The following ROR1 variants were observed in gnomAD, a reference collection of about 807,000 sequenced individuals.
ROR1 encodes the protein ROR family WNT receptor 1.
In ROR1, 19 loss-of-function variants were observed where a neutral mutation model predicts 78.8. That is an observed-to-expected ratio of 0.24 (90% CI 0.17 to 0.35). The LOEUF (loss-of-function observed/expected upper bound fraction) is 0.35, where lower values mean the gene tolerates loss of function less well. Among genes scored for constraint, ROR1 ranks in the 10% least tolerant of loss-of-function variants. ROR1 has a pLI of 1.00. For missense variants in ROR1, 917 were observed against 1,177.8 expected, an observed-to-expected ratio of 0.78 and a Z score of 3.24; for synonymous variants, 386 against 433.6, an observed-to-expected ratio of 0.89 and a Z score of 1.36.
chr1:64,091,182 T>C (rs1236473359), intron 4 of ROR1, among the ~76,000 whole-genome samples: 1 of 151,914 alleles, frequency 6.6e-6, no homozygotes, highest in East Asian at 1.9e-4. Flanking sequence ...ATGCTTTTTT[T>C]AAAAAAAATA....
intron 1 of ROR1, among the ~76,000 whole-genome samples, chr1:63,929,152 C>T (rs1338466704): frequency 6.6e-6 from 1 of 152,164 alleles, no homozygotes; most frequent in African/African-American, 2.4e-5. Flanking sequence ...TCTCTTTCTT[C>T]CCTTTTCTTG....
intron 7 of ROR1, among the ~76,000 whole-genome samples, chr1:64,143,605 G>A (rs907625854): frequency 6.6e-6 from 1 of 152,160 alleles, no homozygotes; most frequent in African/African-American, 2.4e-5. Context: ...TTAACCAGAT[G>A]ATTATTCAAG....
At chr1:63,944,159 G>T (rs1302413606) in intron 1 of ROR1, among the ~76,000 whole-genome samples, 1 of 152,156 alleles carries the variant, frequency 6.6e-6, no homozygotes. Flanking sequence ...AAACTTGCTG[G>T]AATGTGAGTC....
chr1:63,917,435 T>C (rs1048483744), intron 1 of ROR1, among the ~76,000 whole-genome samples: 4 of 152,216 alleles, frequency 2.6e-5, no homozygotes, highest in Admixed American at 2.6e-4. Flanking sequence ...AAATTTTTTT[T>C]CTATTCTATA....
intron 4 of ROR1, among the ~76,000 whole-genome samples, chr1:64,129,912 C>G (rs957536748): frequency 6.6e-6 from 1 of 152,154 alleles, no homozygotes; most frequent in Non-Finnish European, 1.5e-5. Context: ...AATACCTTCC[C>G]TTTTCTGAGT....
At chr1:64,004,089 C>T (rs1313142341) in intron 1 of ROR1, among the ~76,000 whole-genome samples, 1 of 152,222 alleles carries the variant, frequency 6.6e-6, no homozygotes, top group African/African-American at 2.4e-5. Flanking sequence ...ACATGCAGCT[C>T]AGTGAGAAGT....
intron 7 of ROR1, among the ~76,000 whole-genome samples, chr1:64,158,488 G>A (rs1359417281): frequency 2.6e-5 from 4 of 152,182 alleles, no homozygotes; most frequent in Non-Finnish European, 4.4e-5. Flanking sequence ...CCTTAGTAAT[G>A]TTGATTCTGG....
intron 2 of ROR1, among the ~76,000 whole-genome samples, chr1:64,016,839 G>A (rs834483): frequency 0.31 from 46,662 of 150,654 alleles, 7,649 homozygotes; most frequent in South Asian, 0.47. Flanking sequence ...TATGATTAGA[G>A]ACAAGCAATA....
At chr1:63,823,063 ATTATTG>A (rs1184641436) in intron 1 of ROR1, among the ~76,000 whole-genome samples, 10 of 152,100 alleles carry the variant, frequency 6.6e-5, no homozygotes, top group African/African-American at 2.4e-4. Context: ...AAAAGGGAAT[ATTATTG>A]TTATTTAAGT....
rs898370725 is a variant in ROR1, at chr1:64,140,783, G to T, written c.928+357G>T. Reference sequence around the variant, plus strand: ...ACAACACTATTTACAATAGCCAAAAGGTGGAAATGACCCAAATGCCATCAG... The same window carrying T: ...ACAACACTATTTACAATAGCCAAAATGTGGAAATGACCCAAATGCCATCAG... On this transcript the variant is annotated intron_variant, in intron 6 of 8. Transcript: ENST00000371079. 2.0e-5 allele frequency among the ~76,000 whole-genome samples: 3 copies of T among 152,230 alleles called. No individual in the cohort carries two copies. In the East Asian group the frequency reaches 5.8e-4, roughly 29 times the overall value.
chr1:63,986,737 T>A (rs1044253910), intron 1 of ROR1, among the ~76,000 whole-genome samples: 17 of 150,830 alleles, frequency 1.1e-4, no homozygotes, highest in African/African-American at 2.0e-4. Context: ...ACACAGAAAA[T>A]TTTTTTTTAA....
At chr1:64,033,382 G>C (rs1202446185) in intron 2 of ROR1, among the ~76,000 whole-genome samples, 1 of 152,258 alleles carries the variant, frequency 6.6e-6, no homozygotes, top group African/African-American at 2.4e-5. Context: ...GTAAACTGAG[G>C]CTCAGAGTTA....
intron 4 of ROR1, among the ~76,000 whole-genome samples, chr1:64,124,978 A>G (rs79329147): frequency 0.14 from 21,465 of 152,212 alleles, 2,003 homozygotes; most frequent in Non-Finnish European, 0.2. Context: ...TGTGAGCACA[A>G]TAGACTACCA....
chr1:64,075,497 T>G (rs1238209948), intron 4 of ROR1, among the ~76,000 whole-genome samples: 1 of 152,198 alleles, frequency 6.6e-6, no homozygotes, highest in Non-Finnish European at 1.5e-5. Flanking sequence ...TAATTCATGC[T>G]GTATGGAGCA....
At chr1:63,776,203 T>C (rs1024089423) in intron 1 of ROR1, among the ~76,000 whole-genome samples, 1 of 152,212 alleles carries the variant, frequency 6.6e-6, no homozygotes, top group Non-Finnish European at 1.5e-5. Context: ...TGCTTTTAGA[T>C]CATAGCCCCT....
intron 2 of ROR1, among the ~76,000 whole-genome samples, chr1:64,014,735 GCACAC>G (rs1646504206): frequency 9.6e-5 from 1 of 10,456 alleles, no homozygotes; most frequent in Non-Finnish European, 2.1e-4. Flanking sequence ...ATACACATAC[GCACAC>G]TATATATATA....
At chr1:63,790,839 A>G (rs1023419325) in intron 1 of ROR1, among the ~76,000 whole-genome samples, 8 of 152,112 alleles carry the variant, frequency 5.3e-5, no homozygotes, top group African/African-American at 1.9e-4. Context: ...CTTTCTCTCA[A>G]TGAGTAGAGG....
rs185776405 is a variant in ROR1 at position 64,008,775 on chromosome 1, C to T, written c.92-530C>T. On this transcript the variant is annotated intron_variant, in intron 1 of 8. Transcript: ENST00000371079. ...TCAGCCTCCTGAGTAGCTGGGATTACAGGTGCATGCCACCAGGCAGGGCTA... is the reference window on the plus strand; with the variant it reads ...TCAGCCTCCTGAGTAGCTGGGATTATAGGTGCATGCCACCAGGCAGGGCTA... Among the ~76,000 whole-genome samples the T allele has an allele frequency of 2.8e-4, 42 of 152,208 alleles. 2 individuals carry two copies. The highest frequency in any genetic ancestry group is 9.9e-4 in the African/African-American group (41 of 41,520).
intron 1 of ROR1, among the ~76,000 whole-genome samples, chr1:63,809,584 G>C (rs1569749167): frequency 6.6e-6 from 1 of 152,188 alleles, no homozygotes; most frequent in East Asian, 1.9e-4. Context: ...CTGTCTAGGG[G>C]AGACGCTTAA....
Sources: allele counts gnomAD v4.1 joint callset (sites outside exome capture counted in the v4.1 genomes callset), GRCh38; gene constraint gnomAD v4.1.1; transcripts MANE v1.5; gene names NCBI Gene and HGNC (gene_info 2026-07-23, HGNC 2026-07-21).